PRKCA: variants seen among roughly 807,000 people sequenced by gnomAD.
The protein encoded by PRKCA is protein kinase C alpha type.
A neutral mutation model predicts 87.0 loss-of-function variants in PRKCA; 27 were observed. The ratio of observed to expected loss-of-function variants is 0.31; its 90% CI spans 0.23 to 0.43. The LOEUF is 0.43. Among genes scored for constraint, PRKCA ranks in the 20% least tolerant of loss-of-function variants. The probability of loss-of-function intolerance (pLI) is 1.00; values close to 1 mark genes in which losing one functional copy is unlikely to be tolerated. For synonymous variants in PRKCA, 329 were observed against 311.1 expected (o/e 1.06, Z -0.61); for missense variants, 518 against 852.3 (o/e 0.61, Z 4.88).
At chr17:66,517,989 CA>C (rs1337945041) in intron 3 of PRKCA, among the ~76,000 whole-genome samples, 1 of 151,792 alleles carries the variant, frequency 6.6e-6, no homozygotes, top group Admixed American at 6.6e-5. Context: ...CAGAGAAGAA[CA>C]AGGCAAGTTT....
At chr17:66,641,136 C>T (rs1020786105) in intron 3 of PRKCA, among the ~76,000 whole-genome samples, 29 of 138,298 alleles carry the variant, frequency 2.1e-4, no homozygotes, top group Admixed American at 1.0e-3. Context: ...CCAGCCTGGG[C>T]GACGAGCAAG....
At chr17:66,656,072 C>T (rs1473805561) in intron 5 of PRKCA, among the ~76,000 whole-genome samples, 1 of 152,128 alleles carries the variant, frequency 6.6e-6, no homozygotes, top group Non-Finnish European at 1.5e-5. Flanking sequence ...TCCAACAGAG[C>T]TTTTCACTCT....
At position 66,632,718 on chromosome 17, in the gene PRKCA, G is replaced by C. The variant is rs143055488; in HGVS notation, c.289-8637G>C. Among the ~76,000 whole-genome samples the C allele has an allele frequency of 3.4e-3, 519 of 152,176 alleles. 7 individuals carry two copies. The highest frequency in any genetic ancestry group is 0.012 in the African/African-American group (503 of 41,522). ...TTTTCATTAGACAATATATCTTAGA[G>C]ATCTGTCCATGATTTTACAGAAAGA... is the stretch of plus-strand genomic sequence containing the variant. On this transcript the variant is annotated intron_variant, in intron 3 of 16. Transcript: ENST00000413366.
chr17:66,510,895 C>T (rs1331228817), intron 3 of PRKCA, among the ~76,000 whole-genome samples: 1 of 152,078 alleles, frequency 6.6e-6, no homozygotes, highest in Non-Finnish European at 1.5e-5. Context: ...TACAGGCGTG[C>T]ACCACCATGC....
intron 3 of PRKCA, among the ~76,000 whole-genome samples, chr17:66,530,572 C>T (rs1035620862): frequency 3.3e-5 from 5 of 152,282 alleles, no homozygotes; most frequent in Admixed American, 6.5e-5. Context: ...GAATGTTTCC[C>T]AGCATTCTCT....
chr17:66,654,418 TCACCAG>T (rs1567957568), intron 5 of PRKCA, among the ~76,000 whole-genome samples: 1 of 110,326 alleles, frequency 9.1e-6, no homozygotes, highest in African/African-American at 3.7e-5. Flanking sequence ...GCTATCATCA[TCACCAG>T]CAGCAGCAGC....
chr17:66,379,135 T>G (rs1473702529), intron 2 of PRKCA, among the ~76,000 whole-genome samples: 1 of 152,210 alleles, frequency 6.6e-6, no homozygotes, highest in Non-Finnish European at 1.5e-5. Flanking sequence ...AGTTTTTTTG[T>G]GGACGTGTGT....
chr17:66,541,000 A>AAGTATTT (rs1567886407), intron 3 of PRKCA, among the ~76,000 whole-genome samples: 1 of 151,994 alleles, frequency 6.6e-6, no homozygotes, highest in East Asian at 1.9e-4. Context: ...AACCCTACAG[A>AAGTATTT]GGTAGGAAGT....
intron 3 of PRKCA, among the ~76,000 whole-genome samples, chr17:66,503,034 G>A (rs1188613995): frequency 6.6e-6 from 1 of 152,170 alleles, no homozygotes; most frequent in Non-Finnish European, 1.5e-5. Flanking sequence ...TAACACACAT[G>A]CTAAGCAACT....
chr17:66,568,036 C>T (rs1466990827), intron 3 of PRKCA, among the ~76,000 whole-genome samples: 2 of 152,192 alleles, frequency 1.3e-5, no homozygotes, highest in Admixed American at 1.3e-4. Flanking sequence ...CAGCAGAGGT[C>T]TGGCGTGGTG....
At chr17:66,754,058 C>G (rs539523356) in intron 13 of PRKCA, among the ~76,000 whole-genome samples, 4 of 152,144 alleles carry the variant, frequency 2.6e-5, no homozygotes, top group African/African-American at 9.6e-5. Flanking sequence ...TAGATAAAGG[C>G]TGTGTGAGTC....
At chr17:66,476,057 C>G (rs984230245) in intron 2 of PRKCA, among the ~76,000 whole-genome samples, 4 of 152,042 alleles carry the variant, frequency 2.6e-5, no homozygotes, top group African/African-American at 9.7e-5. Context: ...GCCACCAGGC[C>G]TGGCTAATTT....
intron 5 of PRKCA, among the ~76,000 whole-genome samples, chr17:66,648,307 A>C (rs1306965815): frequency 6.6e-6 from 1 of 152,258 alleles, no homozygotes; most frequent in African/African-American, 2.4e-5. Context: ...TTCAGACCAC[A>C]GCAAATAGTA....
At position 66,774,040 on chromosome 17, in the gene PRKCA, C is replaced by T; in HGVS notation, c.1578C>T (p.Val526=). 1 of 1,614,012 alleles carries T rather than the reference C, an allele frequency of 6.2e-7. No homozygotes were observed. Among genetic ancestry groups the T allele is most frequent in the Non-Finnish European group, 8.5e-7 (1 of 1,180,016 alleles). The change falls in exon 14 of 17, where the codon GTC becomes GTT. Residue 526 remains valine (V), a synonymous_variant. Transcript: ENST00000413366. ...CTGTGGACTGGTGGGCCTATGGCGT[C>T]CTGTTGTATGAAATGCTTGCCGGGC... ...GKSVDWWAYG[V]LLYEMLAGQP...
chr17:66,795,326 G>C (rs11869023), intron 16 of PRKCA, among the ~76,000 whole-genome samples: 11,592 of 152,152 alleles, frequency 0.076, 611 homozygotes, highest in Non-Finnish European at 0.11. Context: ...CATTCTCTTG[G>C]CCTTTCTGTT....
intron 8 of PRKCA, among the ~76,000 whole-genome samples, chr17:66,713,049 CTTTTTTTT>C (rs564655403): frequency 9.6e-6 from 1 of 104,432 alleles, no homozygotes; most frequent in Non-Finnish European, 1.8e-5. Flanking sequence ...CTTTGTTGTC[CTTTTTTTT>C]TTTTTTTTTT....
rs370964212 is a variant in PRKCA at position 66,386,879 on chromosome 17, A to G, written c.205+80752A>G. ...CCTACTTATCTTTACTCTTGGCCTT[A>G]CTACGTCATGACACATCTTATGAAA... On this transcript the variant is annotated intron_variant, in intron 2 of 16. Transcript: ENST00000413366. Among the ~76,000 whole-genome samples the G allele has an allele frequency of 1.6e-4, 25 of 152,152 alleles. No homozygotes were observed. In the East Asian group the frequency reaches 3.9e-3, roughly 24 times the overall value.
chr17:66,698,317 A>G (rs1972977376), intron 8 of PRKCA, among the ~76,000 whole-genome samples: 1 of 152,254 alleles, frequency 6.6e-6, no homozygotes, highest in Admixed American at 6.5e-5. Flanking sequence ...TAATTGTTTT[A>G]AGGAAGCTCA....
intron 5 of PRKCA, among the ~76,000 whole-genome samples, chr17:66,672,561 G>A (rs16959917): frequency 0.049 from 7,517 of 152,110 alleles, 652 homozygotes; most frequent in African/African-American, 0.17. Flanking sequence ...AATCTGTGGC[G>A]TTCTTAAACA....
Sources: allele counts gnomAD v4.1 joint callset (sites outside exome capture counted in the v4.1 genomes callset), GRCh38; gene constraint gnomAD v4.1.1; transcripts MANE v1.5; gene names NCBI Gene and HGNC (gene_info 2026-07-23, HGNC 2026-07-21).